The following FAM184B variants were observed in gnomAD, a reference collection of about 807,000 sequenced individuals.
FAM184B encodes protein FAM184B.
A neutral mutation model predicts 135.9 loss-of-function variants in FAM184B; 111 were observed. The ratio of observed to expected loss-of-function variants is 0.82; its 90% CI spans 0.70 to 0.96. The LOEUF is 0.96. Ranked by LOEUF, FAM184B falls within the 40% of genes least tolerant of loss-of-function variation. The probability of loss-of-function intolerance (pLI) is 0.00; values close to 1 mark genes in which losing one functional copy is unlikely to be tolerated. For missense variants in FAM184B, 1,375 were observed against 1,323.9 expected (o/e 1.04, Z -0.60); for synonymous variants, 552 against 524.8 (o/e 1.05, Z -0.71).
At chr4:17,705,273 C>T in intron 4 of FAM184B, 67 bp from the exon 5 acceptor site, 1 of 1,220,808 alleles carries the variant, frequency 8.2e-7, no homozygotes, top group Non-Finnish European at 1.2e-6. Flanking sequence ...TCACCATTTC[C>T]CTTTCATACA....
At position 17,781,253 on chromosome 4, in the gene FAM184B, T is replaced by C; in HGVS notation, c.47A>G (p.Gln16Arg). 6.4e-7 allele frequency: 1 copy of C among 1,550,738 alleles called. No homozygotes were observed. The highest frequency in any genetic ancestry group is 1.2e-5 in the South Asian group (1 of 83,832). ...GGCGCCACCGTCGGCTTTGGAGCCC[T>C]GGCAAGTGCCGGGCGGGTTAATTTT... is the stretch of plus-strand genomic sequence containing the variant. ...NSKINPPGTC[Q>R]GSKADGGAGW... The change falls in exon 1 of 18, where the codon CAG (glutamine) becomes CGG (arginine). Residue 16 changes from glutamine (Q) to arginine (R), a missense_variant. Physicochemically the swap from Gln to Arg is conservative, Grantham distance 43. Transcript: ENST00000265018. This position sits in a 1 kb window ranked among gnomAD's most constrained non-coding sequence, Gnocchi z 6.5.
chr4:17,665,793 T>A (rs1291263685), intron 7 of FAM184B, among the ~76,000 whole-genome samples: 1 of 152,152 alleles, frequency 6.6e-6, no homozygotes, highest in Non-Finnish European at 1.5e-5. Flanking sequence ...CCAAATCCAA[T>A]GGTCGATTCT....
chr4:17,685,737 T>A (rs1716568777), intron 7 of FAM184B, among the ~76,000 whole-genome samples: 1 of 151,972 alleles, frequency 6.6e-6, no homozygotes, highest in Non-Finnish European at 1.5e-5. Flanking sequence ...ACTACTGGCA[T>A]CTCGTGGGTA....
intron 1 of FAM184B, among the ~76,000 whole-genome samples, chr4:17,774,638 G>T (rs981598702): frequency 1.8e-4 from 28 of 152,286 alleles, no homozygotes; most frequent in East Asian, 1.9e-4. Context: ...TCAGCACATT[G>T]GATGCTCTTG....
chr4:17,703,821 C>T (rs1233446670), intron 5 of FAM184B, among the ~76,000 whole-genome samples: 1 of 151,478 alleles, frequency 6.6e-6, no homozygotes, highest in African/African-American at 2.4e-5. Flanking sequence ...GTCCCAGCTA[C>T]TTGGGAGGCT....
At chr4:17,636,956 G>T (rs894609827) in intron 14 of FAM184B, among the ~76,000 whole-genome samples, 2 of 152,202 alleles carry the variant, frequency 1.3e-5, no homozygotes, top group African/African-American at 4.8e-5. Flanking sequence ...AAAATGTCCC[G>T]TAGGTTCTCT....
At chr4:17,779,982 T>G (rs1013696770) in intron 1 of FAM184B, among the ~76,000 whole-genome samples, 2 of 152,240 alleles carry the variant, frequency 1.3e-5, no homozygotes, top group South Asian at 2.1e-4. Flanking sequence ...GTACCAGCTA[T>G]ACATGTCAAG....
At chr4:17,765,893 G>GC (rs1405459050) in intron 1 of FAM184B, among the ~76,000 whole-genome samples, 2 of 152,144 alleles carry the variant, frequency 1.3e-5, no homozygotes, top group African/African-American at 4.8e-5. Context: ...AAGTGAAGCT[G>GC]CAGACCTTCG....
chr4:17,742,170 T>TATA (rs1560190745), intron 1 of FAM184B, among the ~76,000 whole-genome samples: 6 of 121,512 alleles, frequency 4.9e-5, no homozygotes, highest in African/African-American at 2.3e-4. Flanking sequence ...ATATATATAT[T>TATA]TTTTTTTTTT....
chr4:17,699,732 A>G (rs1420733788), intron 5 of FAM184B, among the ~76,000 whole-genome samples: 1 of 152,138 alleles, frequency 6.6e-6, no homozygotes, highest in South Asian at 2.1e-4. Context: ...CTATACAGGC[A>G]CTTGAAGCCA....
intron 1 of FAM184B, among the ~76,000 whole-genome samples, chr4:17,710,422 C>T (rs980178224): frequency 6.6e-6 from 1 of 152,134 alleles, no homozygotes; most frequent in Admixed American, 6.6e-5. Context: ...TACCCCACAT[C>T]AACAGAGTAA....
chr4:17,734,881 C>T (rs1277740065), intron 1 of FAM184B, among the ~76,000 whole-genome samples: 15 of 151,942 alleles, frequency 9.9e-5, no homozygotes, highest in African/African-American at 1.7e-4. Context: ...CACATGCACA[C>T]GTATGTTTAC....
intron 7 of FAM184B, among the ~76,000 whole-genome samples, chr4:17,666,764 C>T (rs1241150759): frequency 6.6e-6 from 1 of 151,862 alleles, no homozygotes; most frequent in African/African-American, 2.4e-5. Context: ...TATCTGTTTA[C>T]CTTACTGGAA....
At chr4:17,644,850 A>C (rs1224147064) in intron 12 of FAM184B, among the ~76,000 whole-genome samples, 1 of 152,220 alleles carries the variant, frequency 6.6e-6, no homozygotes, top group Admixed American at 6.5e-5. Flanking sequence ...GTCTCAGCCC[A>C]AAACCTCCTT....
At chr4:17,775,159 G>A (rs1718901340) in intron 1 of FAM184B, among the ~76,000 whole-genome samples, 1 of 151,596 alleles carries the variant, frequency 6.6e-6, no homozygotes, top group Non-Finnish European at 1.5e-5. Context: ...ACCATGCCCA[G>A]CTAATTTTTG....
intron 10 of FAM184B, 104 bp from the exon 11 acceptor site, chr4:17,653,087 C>T: frequency 3.6e-6 from 4 of 1,120,712 alleles, no homozygotes; most frequent in South Asian, 2.9e-5. Flanking sequence ...TGAACACTCG[C>T]ACTCTCCCAT....
In FAM184B at chr4:17,634,884, GT is replaced by G. The variant is rs3214318; in HGVS notation, c.2889+124del. ...CCCAGCCATAGATATAAACAAGTGG[GT>G]TTTTTTTTTCCAATGAATATTTTTC... is the stretch of plus-strand genomic sequence containing the variant. On this transcript the variant is annotated intron_variant, in intron 16 of 17. Coordinates refer to ENST00000265018, the MANE Select transcript of FAM184B (RefSeq NM_015688.2). 614 of 521,556 alleles carry G rather than the reference GT, an allele frequency of 1.2e-3. 2 individuals carry two copies. The highest frequency in any genetic ancestry group is 8.6e-3 in the African/African-American group (439 of 51,122). The allele number at this position is 521,556 out of a possible 1,614,324, so 32.3% of individuals were successfully genotyped here.
chr4:17,706,572 T>C (rs949569874), intron 3 of FAM184B, among the ~76,000 whole-genome samples: 6 of 152,188 alleles, frequency 3.9e-5, no homozygotes, highest in Non-Finnish European at 8.8e-5. Context: ...TCATGTATTT[T>C]TGGATACAAG....
chr4:17,636,148 C>T (rs918878185), intron 15 of FAM184B, among the ~76,000 whole-genome samples: 6 of 152,080 alleles, frequency 3.9e-5, no homozygotes. Flanking sequence ...CTCTGTCGCC[C>T]AGACTGGAGT....
Sources: allele counts gnomAD v4.1 joint callset (sites outside exome capture counted in the v4.1 genomes callset), GRCh38; gene constraint gnomAD v4.1.1; non-coding constraint Gnocchi (gnomAD v3.1); transcripts MANE v1.5; gene names NCBI Gene and HGNC (gene_info 2026-07-23, HGNC 2026-07-21).